Variants in FOXN3 observed in about 807,000 individuals in gnomAD.
FOXN3 encodes the protein forkhead box protein N3.
FOXN3 carries 7 observed loss-of-function variants against 38.4 expected under a neutral mutation model. The observed-to-expected ratio is 0.18, with a 90% CI of 0.10 to 0.34. The LOEUF (loss-of-function observed/expected upper bound fraction) is 0.34. Ranked by LOEUF, FOXN3 falls within the 10% of genes least tolerant of loss-of-function variation. The pLI, the probability that FOXN3 is intolerant of heterozygous loss-of-function variation, is 1.00. For synonymous variants in FOXN3, 230 were observed against 242.2 expected (o/e 0.95, Z 0.47); for missense variants, 456 against 613.4 (o/e 0.74, Z 2.71).
intron 3 of FOXN3, among the ~76,000 whole-genome samples, chr14:89,288,754 A>G (rs1463410062): frequency 1.2e-5 from 1 of 82,314 alleles, no homozygotes; most frequent in Non-Finnish European, 2.5e-5. Flanking sequence ...ATATATATAT[A>G]TATATATATA....
chr14:89,405,682 C>T (rs560897670), intron 2 of FOXN3, among the ~76,000 whole-genome samples: 1 of 152,216 alleles, frequency 6.6e-6, no homozygotes, highest in East Asian at 1.9e-4. Context: ...CATGTGCTGA[C>T]AATTGAGCCC....
intron 1 of FOXN3, among the ~76,000 whole-genome samples, chr14:89,424,793 G>T (rs1158340522): frequency 6.6e-6 from 1 of 151,764 alleles, no homozygotes; most frequent in African/African-American, 2.4e-5. Flanking sequence ...GCTAAGGTAG[G>T]AGGTTCACTT....
intron 3 of FOXN3, chr14:89,284,484 C>A (rs1431525256): frequency 2.2e-6 from 1 of 456,106 alleles, no homozygotes; most frequent in Non-Finnish European, 4.4e-6. Context: ...CAGCTTTCCT[C>A]TTCTGCTCTT....
chr14:89,452,515 T>C (rs1310596317), intron 1 of FOXN3, among the ~76,000 whole-genome samples: 1 of 152,154 alleles, frequency 6.6e-6, no homozygotes, highest in Non-Finnish European at 1.5e-5. Flanking sequence ...TGCGAGGCCA[T>C]CTGGGTTAGG....
intron 1 of FOXN3, chr14:89,577,362 G>T (rs1895654069): frequency 6.6e-6 from 1 of 152,088 alleles, no homozygotes. Context: ...ATAAGGATAG[G>T]TTTCTATTTC....
At chr14:89,261,719 G>A (rs1885808649) in intron 4 of FOXN3, among the ~76,000 whole-genome samples, 1 of 152,084 alleles carries the variant, frequency 6.6e-6, no homozygotes, top group Admixed American at 6.5e-5. Flanking sequence ...CACGAGGTCA[G>A]GAGATCGAGA....
chr14:89,357,119 G>A (rs1267938552), intron 2 of FOXN3, among the ~76,000 whole-genome samples: 1 of 152,160 alleles, frequency 6.6e-6, no homozygotes, highest in African/African-American at 2.4e-5. Context: ...AGGAGGCCAA[G>A]GCAGAAGGAC....
intron 2 of FOXN3, among the ~76,000 whole-genome samples, chr14:89,405,012 G>A (rs1396106307): frequency 2.0e-5 from 3 of 152,180 alleles, no homozygotes; most frequent in Non-Finnish European, 4.4e-5. Flanking sequence ...CAGGTAGGTT[G>A]ACTGGTGTCA....
At chr14:89,382,662 C>T (rs141994466) in intron 2 of FOXN3, among the ~76,000 whole-genome samples, 282 of 152,340 alleles carry the variant, frequency 1.9e-3, no homozygotes, top group African/African-American at 6.2e-3. Flanking sequence ...AGCTGTGTCA[C>T]CTGTGATCGG....
intron 2 of FOXN3, among the ~76,000 whole-genome samples, chr14:89,354,556 A>G (rs999559441): frequency 1.7e-4 from 25 of 149,482 alleles, no homozygotes; most frequent in Admixed American, 1.4e-3. Context: ...AAAAAAAAAA[A>G]AAAAAGAAAA....
intron 2 of FOXN3, among the ~76,000 whole-genome samples, chr14:89,355,518 T>A (rs931977009): frequency 9.9e-5 from 15 of 152,166 alleles, no homozygotes; most frequent in South Asian, 4.1e-4. Context: ...AATACAGGCA[T>A]GAGCCACTAC....
chr14:89,443,249 T>C (rs942743010), intron 1 of FOXN3, among the ~76,000 whole-genome samples: 1 of 152,226 alleles, frequency 6.6e-6, no homozygotes, highest in African/African-American at 2.4e-5. Flanking sequence ...TGGCTATTTG[T>C]TTTCTGAAGG....
intron 3 of FOXN3, among the ~76,000 whole-genome samples, chr14:89,302,246 A>C (rs993395962): frequency 6.6e-6 from 1 of 152,246 alleles, no homozygotes; most frequent in Non-Finnish European, 1.5e-5. Flanking sequence ...CTGAACTTCC[A>C]TGATAGCATT....
intron 1 of FOXN3, among the ~76,000 whole-genome samples, chr14:89,534,834 G>T (rs2139841157): frequency 6.6e-6 from 1 of 152,306 alleles, no homozygotes; most frequent in East Asian, 1.9e-4. Flanking sequence ...CTGATGCCAA[G>T]AGGCCCGTTC....
chr14:89,173,486 A>C (rs1887443366), intron 5 of FOXN3, among the ~76,000 whole-genome samples: 1 of 152,252 alleles, frequency 6.6e-6, no homozygotes, highest in African/African-American at 2.4e-5. Context: ...AGACATGTAT[A>C]AGAATTTCCA....
chr14:89,598,592 A>G (rs1157124659), intron 1 of FOXN3, among the ~76,000 whole-genome samples: 1 of 152,160 alleles, frequency 6.6e-6, no homozygotes, highest in Non-Finnish European at 1.5e-5. Flanking sequence ...GCCTCATGAT[A>G]AGTTTTTAAT....
chr14:89,172,032 T>C (rs1044199552), intron 5 of FOXN3, among the ~76,000 whole-genome samples: 1 of 152,200 alleles, frequency 6.6e-6, no homozygotes, highest in Non-Finnish European at 1.5e-5. Flanking sequence ...ATCAATAATG[T>C]GAAATAAATT....
chr14:89,406,079 C>T (rs28413874), intron 2 of FOXN3, among the ~76,000 whole-genome samples: 45,618 of 151,960 alleles, frequency 0.3, 7,899 homozygotes, highest in East Asian at 0.61. Context: ...CCTGAGTAGC[C>T]GGGACTACAG....
chr14:89,489,088 A>T (rs1893516115), intron 1 of FOXN3, among the ~76,000 whole-genome samples: 1 of 152,146 alleles, frequency 6.6e-6, no homozygotes, highest in Non-Finnish European at 1.5e-5. Context: ...CAAGGCTAGG[A>T]TTGAAATGAA....
Sources: allele counts gnomAD v4.1 joint callset (sites outside exome capture counted in the v4.1 genomes callset), GRCh38; gene constraint gnomAD v4.1.1; transcripts MANE v1.5; gene names NCBI Gene and HGNC (gene_info 2026-07-23, HGNC 2026-07-21).